Variants in SCEL observed in about 807,000 individuals in gnomAD.
SCEL encodes the protein sciellin.
SCEL carries 113 observed loss-of-function variants against 117.6 expected under a neutral mutation model. The observed-to-expected ratio is 0.96, with a 90% CI of 0.83 to 1.12. The LOEUF is 1.12. SCEL is among the 50% of genes most tolerant of loss of function. SCEL has a pLI of 0.00. For missense variants in SCEL, 785 were observed against 810.8 expected (o/e 0.97, Z 0.39); for synonymous variants, 270 against 256.2 (o/e 1.05, Z -0.51).
chr13:77,551,661 C>T (rs2084331077), intron 1 of SCEL, among the ~76,000 whole-genome samples: 1 of 151,980 alleles, frequency 6.6e-6, no homozygotes, highest in Non-Finnish European at 1.5e-5. Flanking sequence ...AGTACCCACC[C>T]TAAGGGCCTC....
chr13:77,620,195 A>G (rs2089332213), intron 27 of SCEL, among the ~76,000 whole-genome samples: 1 of 152,212 alleles, frequency 6.6e-6, no homozygotes, highest in South Asian at 2.1e-4. Flanking sequence ...ATGTTCAAGA[A>G]TTATCACAAA....
intron 3 of SCEL, among the ~76,000 whole-genome samples, chr13:77,557,766 A>G (rs1377222405): frequency 6.6e-6 from 1 of 152,182 alleles, no homozygotes; most frequent in African/African-American, 2.4e-5. Flanking sequence ...AACATCCTAT[A>G]AATCACGGGA....
In SCEL at chr13:77,568,314, T is replaced by C. The variant is rs2085399578; in HGVS notation, c.379T>C (p.Ser127Pro). 12 of 1,569,028 alleles carry C rather than the reference T, an allele frequency of 7.6e-6. No homozygotes were observed. The highest frequency in any genetic ancestry group is 1.0e-5 in the Non-Finnish European group (12 of 1,144,302). ...LTNRSMSMFR[S>P]LEVTKLQPGG... The stretch of plus-strand genomic sequence containing the variant: ...TACCAGGAGCATGTCCATGTTTAGA[T>C]CACTGGAAGTAACAAAGTTGTATGT... Residue 127 changes from serine to proline, a missense_variant, in exon 7 of 33, where the codon TCA (serine) becomes CCA (proline). Physicochemically the swap from Ser to Pro is moderately conservative, Grantham distance 74 (BLOSUM62 -1). Transcript: ENST00000349847.
Position 77,537,374 on chromosome 13 carries a change from C to G in SCEL, c.-20+1550C>G, listed in dbSNP as rs905201374. Among the ~76,000 whole-genome samples, 24 of 152,148 alleles carry G rather than the reference C, an allele frequency of 1.6e-4. 1 individual carries two copies. The highest frequency in any genetic ancestry group is 1.3e-4 in the Admixed American group (2 of 15,270). ...GCCAGATTGCTTGTCTTTTGTCTTACTGAATTTTCTCAATATTTTTTCAAA... is the reference window on the plus strand; with the variant it reads ...GCCAGATTGCTTGTCTTTTGTCTTAGTGAATTTTCTCAATATTTTTTCAAA... On this transcript the variant is annotated intron_variant, in intron 1 of 32. Coordinates refer to ENST00000349847, the MANE Select transcript of SCEL (RefSeq NM_144777.3).
intron 17 of SCEL, 102 bp downstream of exon 17, chr13:77,602,815 T>A (rs2087811066): frequency 1.0e-6 from 1 of 1,004,914 alleles, no homozygotes; most frequent in African/African-American, 1.6e-5. Flanking sequence ...CTCTTCTGTG[T>A]CTAATCCCTG....
At chr13:77,579,915 ATTTG>A in intron 9 of SCEL, among the ~76,000 whole-genome samples, 1 of 152,252 alleles carries the variant, frequency 6.6e-6, no homozygotes. Context: ...ATGTGAGTGT[ATTTG>A]TATGCATAGA....
Position 77,605,349 on chromosome 13 carries a change from C to T in SCEL, c.1157+934C>T, listed in dbSNP as rs941449653. On this transcript the variant is annotated intron_variant, in intron 19 of 32. Coordinates refer to ENST00000349847, the MANE Select transcript of SCEL (RefSeq NM_144777.3). ...AGGTGTGGCATGGTCAGAGGCACCG[C>T]GACCCAATGAATTCAAGGCTTGCAC... is the stretch of plus-strand genomic sequence containing the variant. Among the ~76,000 whole-genome samples the T allele has an allele frequency of 3.9e-5, 6 of 152,168 alleles. No individual in the cohort carries two copies. In the South Asian group the frequency reaches 6.2e-4, roughly 16 times the overall value.
chr13:77,537,908 G>A (rs2083491206), intron 1 of SCEL, among the ~76,000 whole-genome samples: 1 of 152,140 alleles, frequency 6.6e-6, no homozygotes, highest in Admixed American at 6.5e-5. Context: ...TTTCTTAAGA[G>A]TGAGGGGATA....
chr13:77,538,033 G>A (rs1356912671), intron 1 of SCEL, among the ~76,000 whole-genome samples: 3 of 151,770 alleles, frequency 2.0e-5, no homozygotes, highest in Non-Finnish European at 4.4e-5. Flanking sequence ...TCTTTGGCTG[G>A]GTACTTTGAA....
intron 4 of SCEL, among the ~76,000 whole-genome samples, chr13:77,560,437 T>TCAAA (rs923259278): frequency 6.6e-6 from 1 of 151,924 alleles, no homozygotes; most frequent in East Asian, 1.9e-4. Flanking sequence ...ACCCTGTTTC[T>TCAAA]CAAACAAACA....
At chr13:77,568,123 C>G (rs1249702971) in intron 6 of SCEL, among the ~76,000 whole-genome samples, 172 bp from the exon 7 acceptor site, 1 of 152,086 alleles carries the variant, frequency 6.6e-6, no homozygotes. Flanking sequence ...GAATCTAGTA[C>G]AAGAGACAAA....
chr13:77,565,532 A>G (rs897597312), intron 5 of SCEL, among the ~76,000 whole-genome samples: 36 of 152,334 alleles, frequency 2.4e-4, no homozygotes, highest in Admixed American at 1.7e-3. Flanking sequence ...TTTGAGGAAG[A>G]GAACACAGGG....
chr13:77,544,957 G>C (rs932304777), intron 1 of SCEL, among the ~76,000 whole-genome samples: 2 of 152,172 alleles, frequency 1.3e-5, no homozygotes, highest in East Asian at 1.9e-4. Context: ...GGAAATGAAA[G>C]ATGGGCCAAT....
intron 21 of SCEL, among the ~76,000 whole-genome samples, 182 bp downstream of exon 21, chr13:77,609,299 C>A (rs1186921986): frequency 6.6e-6 from 1 of 152,182 alleles, no homozygotes; most frequent in South Asian, 2.1e-4. Flanking sequence ...TACAATGAGA[C>A]AATTACTCTT....
chr13:77,554,572 C>G (rs1331362413), intron 1 of SCEL, among the ~76,000 whole-genome samples: 1 of 152,162 alleles, frequency 6.6e-6, no homozygotes, highest in African/African-American at 2.4e-5. Context: ...GCTTTTAGAA[C>G]CCCAAATTAT....
At chr13:77,555,256 A>C (rs532520978) in intron 1 of SCEL, among the ~76,000 whole-genome samples, 27 of 152,264 alleles carry the variant, frequency 1.8e-4, no homozygotes, top group Non-Finnish European at 4.0e-4. Context: ...TAACCCCTTA[A>C]CACCAGAAGA....
chr13:77,594,835 T>G (rs1274901435), intron 12 of SCEL, among the ~76,000 whole-genome samples: 1 of 152,226 alleles, frequency 6.6e-6, no homozygotes, highest in Non-Finnish European at 1.5e-5. Flanking sequence ...GATTGCAGTC[T>G]CTGTCAAAAG....
rs1252362050 is a variant in SCEL, at chr13:77,564,760, T to C, written c.290+861T>C. Reference sequence around the variant, plus strand: ...ATACATGGTAACTTACAGCATCCAATAGATTCTAAACTCAGACTATGCCAG... The same window carrying C: ...ATACATGGTAACTTACAGCATCCAACAGATTCTAAACTCAGACTATGCCAG... On this transcript the variant is annotated intron_variant, in intron 5 of 32. Coordinates refer to ENST00000349847, the MANE Select transcript of SCEL (RefSeq NM_144777.3). Among the ~76,000 whole-genome samples the C allele has an allele frequency of 2.6e-5, 4 of 152,166 alleles. No homozygotes were observed. The South Asian group carries it at 6.2e-4, about 24-fold the overall frequency.
chr13:77,621,231 C>T (rs987448730), intron 27 of SCEL, among the ~76,000 whole-genome samples: 3 of 152,142 alleles, frequency 2.0e-5, no homozygotes, highest in South Asian at 2.1e-4. Context: ...CTGTGGCTCC[C>T]CATTGCCATT....
Sources: allele counts gnomAD v4.1 joint callset (sites outside exome capture counted in the v4.1 genomes callset), GRCh38; gene constraint gnomAD v4.1.1; transcripts MANE v1.5; gene names NCBI Gene and HGNC (gene_info 2026-07-23, HGNC 2026-07-21).